TLN2: variants seen among roughly 807,000 people sequenced by gnomAD.
The protein encoded by TLN2 is talin 2, also known as talin-2.
A neutral mutation model predicts 294.7 loss-of-function variants in TLN2; 118 were observed. That is an observed-to-expected ratio of 0.40 (90% confidence interval 0.34 to 0.47). The LOEUF (loss-of-function observed/expected upper bound fraction) is 0.47. Ranked by LOEUF, TLN2 falls within the 20% of genes least tolerant of loss-of-function variation. The probability of loss-of-function intolerance (pLI) is 0.84; values close to 1 mark genes in which losing one functional copy is unlikely to be tolerated. For missense variants in TLN2, 3,083 were observed against 3,282.2 expected (o/e 0.94, Z 1.48); for synonymous variants, 1,431 against 1,304.5 (o/e 1.10, Z -2.09).
At chr15:62,656,159 C>G in intron 8 of TLN2, 73 bp downstream of exon 8, 1 of 1,576,840 alleles carries the variant, frequency 6.3e-7, no homozygotes, top group Non-Finnish European at 8.7e-7. Flanking sequence ...TTGTGGCGAG[C>G]AGGAGGGCGG....
chr15:62,718,026 G>A (rs1395000368), intron 24 of TLN2, among the ~76,000 whole-genome samples: 3 of 152,176 alleles, frequency 2.0e-5, no homozygotes, highest in African/African-American at 7.2e-5. Context: ...TTGAGAGGCA[G>A]GACTTCAAAT....
intron 1 of TLN2, among the ~76,000 whole-genome samples, chr15:62,581,624 C>T (rs1174265880): frequency 2.0e-5 from 3 of 152,098 alleles, no homozygotes; most frequent in Non-Finnish European, 2.9e-5. Flanking sequence ...ATTGTTATAC[C>T]GTGAAAGCCT....
At chr15:62,713,923 G>A (rs879881155) in intron 22 of TLN2, among the ~76,000 whole-genome samples, 53,668 of 123,110 alleles carry the variant, frequency 0.44, 14,086 homozygotes, top group Non-Finnish European at 0.59. Context: ...TATGCTGTGT[G>A]TGTGTATGTG....
chr15:62,540,010 A>C (rs1306598329), intron 1 of TLN2, among the ~76,000 whole-genome samples: 3 of 152,094 alleles, frequency 2.0e-5, no homozygotes, highest in African/African-American at 7.2e-5. Context: ...AATTCAAACG[A>C]ACTCATCACT....
chr15:62,476,979 A>C (rs572306491), intron 1 of TLN2, among the ~76,000 whole-genome samples: 1 of 152,338 alleles, frequency 6.6e-6, no homozygotes, highest in South Asian at 2.1e-4. Context: ...CACTTAAAAC[A>C]GGTTAGATCT....
chr15:62,585,223 A>G (rs1245427299), intron 1 of TLN2, among the ~76,000 whole-genome samples: 3 of 152,214 alleles, frequency 2.0e-5, no homozygotes, highest in East Asian at 1.9e-4. Flanking sequence ...AAACCAGTCT[A>G]TAAAACTCTC....
In TLN2 at chr15:62,701,133, G is replaced by A. The variant is rs2058695233; in HGVS notation, c.1615G>A (p.Val539Ile). ...ATCTAGGGTATGGGTTCAGAACAAA[G>A]TCGACGAATCCAAACACGAAATCCA... Reference protein sequence around the residue: ...MASRVWVQNKVDESKHEIHSQ... With the variant: ...MASRVWVQNKIDESKHEIHSQ... Residue 539 changes from valine to isoleucine, a missense_variant, in exon 17 of 59, where the codon GTC becomes ATC. Transcript: ENST00000636159. 6.2e-7 allele frequency: 1 copy of A among 1,614,000 alleles called. No individual in the cohort carries two copies. The highest frequency in any genetic ancestry group is 1.3e-5 in the African/African-American group (1 of 74,890).
chr15:62,752,505 C>G, intron 35 of TLN2, 78 bp downstream of exon 35: 2 of 1,561,220 alleles, frequency 1.3e-6, no homozygotes, highest in South Asian at 1.2e-5. Context: ...CCAGCTGCAC[C>G]TCTTTCTCCA....
chr15:62,607,464 C>T (rs557242097), intron 2 of TLN2, among the ~76,000 whole-genome samples: 1 of 152,226 alleles, frequency 6.6e-6, no homozygotes, highest in South Asian at 2.1e-4. Flanking sequence ...GCAGCAATAC[C>T]TGAAGTAAAG....
intron 1 of TLN2, among the ~76,000 whole-genome samples, chr15:62,427,929 ACTT>A (rs892854631): frequency 5.3e-5 from 8 of 152,064 alleles, no homozygotes; most frequent in Non-Finnish European, 1.5e-5. Flanking sequence ...AGTCATCAAT[ACTT>A]CTTTGTAGAG....
chr15:62,578,013 G>A (rs1038827937), intron 1 of TLN2, among the ~76,000 whole-genome samples: 7 of 152,140 alleles, frequency 4.6e-5, no homozygotes, highest in African/African-American at 1.4e-4. Context: ...TCCCTATAAA[G>A]GACATGAACT....
chr15:62,776,204 G>C (rs1398662017), intron 42 of TLN2, among the ~76,000 whole-genome samples: 1 of 152,094 alleles, frequency 6.6e-6, no homozygotes, highest in Non-Finnish European at 1.5e-5. Flanking sequence ...GAATGCATGG[G>C]TACTCAGGGC....
rs1256322823 is a variant in TLN2, at chr15:62,717,662, CCAG to C, written c.2858_2860del (p.Gln953del). 2 of 1,600,800 alleles carry C rather than the reference CCAG, an allele frequency of 1.2e-6. No individual in the cohort carries two copies. The highest frequency in any genetic ancestry group is 1.7e-5 in the Admixed American group (1 of 57,634). On this transcript the variant is annotated inframe_deletion, in exon 24 of 59. Coordinates refer to ENST00000636159, the MANE Select transcript of TLN2 (RefSeq NM_015059.3). ...CTGTTTCCAACAAGAACCCTGCGGC[CCAG>C]CAGCAGCTGGTCCAGAGTTGCAAGG...
At chr15:62,722,744 C>G (rs1482165149) in intron 26 of TLN2, among the ~76,000 whole-genome samples, 1 of 152,218 alleles carries the variant, frequency 6.6e-6, no homozygotes, top group African/African-American at 2.4e-5. Context: ...TCCTCCTCCT[C>G]TTTCCATATC....
In TLN2 at chr15:62,573,832, C is replaced by T. The variant is rs188452878; in HGVS notation, c.-237-15855C>T. Reference sequence around the variant, plus strand: ...CCTCCCCAGAACACTGAGAGGGATGCATTATTATTCCTTTCTATGGATGGG... The same window carrying T: ...CCTCCCCAGAACACTGAGAGGGATGTATTATTATTCCTTTCTATGGATGGG... On this transcript the variant is annotated intron_variant, in intron 1 of 58. Transcript: ENST00000636159. 3.7e-4 allele frequency among the ~76,000 whole-genome samples: 56 copies of T among 150,670 alleles called. No homozygotes were observed. In the East Asian group the frequency reaches 1.0e-2, roughly 27 times the overall value.
intron 9 of TLN2, among the ~76,000 whole-genome samples, chr15:62,667,123 G>A (rs1488289501): frequency 1.3e-5 from 2 of 151,988 alleles, no homozygotes; most frequent in East Asian, 1.9e-4. Flanking sequence ...CCACCACCAC[G>A]CCCGGCTAAT....
At chr15:62,427,912 A>T (rs2034805024) in intron 1 of TLN2, among the ~76,000 whole-genome samples, 1 of 152,170 alleles carries the variant, frequency 6.6e-6, no homozygotes, top group Admixed American at 6.5e-5. Context: ...AGTGTCAGAT[A>T]CGTGGAAGTC....
intron 1 of TLN2, among the ~76,000 whole-genome samples, chr15:62,425,279 T>C (rs2140278939): frequency 6.6e-6 from 1 of 152,122 alleles, no homozygotes; most frequent in Middle Eastern, 3.4e-3. Context: ...GCTTCCCAGG[T>C]GATTCTAATG....
chr15:62,594,180 C>T (rs1234632739), intron 2 of TLN2, among the ~76,000 whole-genome samples: 2 of 152,160 alleles, frequency 1.3e-5, no homozygotes, highest in Non-Finnish European at 2.9e-5. Context: ...AATAAATCCA[C>T]ACAGTTACGG....
Sources: gnomAD v4.1 joint callset for allele counts (sites outside exome capture counted in the v4.1 genomes callset) on GRCh38, gnomAD v4.1.1 for gene constraint, MANE v1.5 for transcripts, NCBI Gene and HGNC (gene_info 2026-07-23, HGNC 2026-07-21) for gene names.